DNAH12: variants seen among roughly 807,000 people sequenced by gnomAD.
DNAH12 encodes the protein axonemal beta dynein heavy chain 12.
In DNAH12, 285 loss-of-function variants were observed where a neutral mutation model predicts 371.5. The ratio of observed to expected loss-of-function variants is 0.77; its 90% confidence interval spans 0.70 to 0.85. The LOEUF (loss-of-function observed/expected upper bound fraction) is 0.85, where lower values mean the gene tolerates loss of function less well. DNAH12 is among the 40% of genes least tolerant of loss of function. The pLI, the probability that DNAH12 is intolerant of heterozygous loss-of-function variation, is 0.00. For synonymous variants in DNAH12, 1,200 were observed against 1,213.0 expected, an observed-to-expected ratio of 0.99 and a Z score of 0.22; for missense variants, 3,611 against 3,689.4, an observed-to-expected ratio of 0.98 and a Z score of 0.55.
intron 38 of DNAH12, 144 bp downstream of exon 38, chr3:57,415,282 T>C: frequency 9.0e-7 from 1 of 1,107,062 alleles, no homozygotes; most frequent in Non-Finnish European, 1.3e-6. Flanking sequence ...TATCATTAAT[T>C]CCAAAAACTT....
Position 57,405,925 on chromosome 3 carries a change from A to T in DNAH12, c.6304T>A (p.Leu2102Ile). Residue 2102 changes from leucine to isoleucine, a missense_variant, in exon 41 of 74, where the codon TTA (leucine) becomes ATA (isoleucine). This residue lies in a region of DNAH12 where 2,266 missense variants were observed against 2,236.9 expected (regional missense o/e 1.01). Transcript: ENST00000495027. ...EIYKQSVENLLPTPTKSHYTF... is the reference protein window; with the variant it reads ...EIYKQSVENLIPTPTKSHYTF... The stretch of plus-strand genomic sequence containing the variant: ...TAATGGGATTTTGTGGGAGTGGGTA[A>T]AAGATTTTCCACAGATTGTTTATAT... 6.5e-7 allele frequency: 1 copy of T among 1,546,400 alleles called. No individual in the cohort carries two copies. Among genetic ancestry groups the T allele is most frequent in the South Asian group, 1.2e-5 (1 of 84,008 alleles).
At chr3:57,529,052 AG>A (rs1416878291) in intron 2 of DNAH12, among the ~76,000 whole-genome samples, 1 of 152,056 alleles carries the variant, frequency 6.6e-6, no homozygotes, top group Non-Finnish European at 1.5e-5. Context: ...CACCTGCCTC[AG>A]CCTCCCACAG....
chr3:57,528,802 A>G (rs1226713600), intron 2 of DNAH12, among the ~76,000 whole-genome samples: 1 of 149,488 alleles, frequency 6.7e-6, no homozygotes, highest in Non-Finnish European at 1.5e-5. Flanking sequence ...GGGATTTTCA[A>G]TTTCTTTTTT....
chr3:57,328,604 A>G (rs2062008242), intron 62 of DNAH12, among the ~76,000 whole-genome samples: 1 of 151,538 alleles, frequency 6.6e-6, no homozygotes, highest in Admixed American at 6.6e-5. Context: ...AGCCAATATC[A>G]TACTGAATGG....
intron 10 of DNAH12, among the ~76,000 whole-genome samples, chr3:57,501,834 T>C (rs2067557969): frequency 6.6e-6 from 1 of 152,202 alleles, no homozygotes; most frequent in Non-Finnish European, 1.5e-5. Context: ...TTCTTCTCTC[T>C]GCCTTTGACT....
chr3:57,296,696 T>C, intron 71 of DNAH12, 151 bp downstream of exon 71: 1 of 962,846 alleles, frequency 1.0e-6, no homozygotes, highest in Non-Finnish European at 1.5e-6. Flanking sequence ...AATATTGCAA[T>C]ATATAAAAGT....
intron 51 of DNAH12, among the ~76,000 whole-genome samples, 155 bp from the exon 52 acceptor site, chr3:57,379,453 T>TA (rs1166120121): frequency 6.6e-6 from 1 of 152,154 alleles, no homozygotes; most frequent in Non-Finnish European, 1.5e-5. Context: ...AAAATAAGCA[T>TA]AATTGTAGCA....
At chr3:57,346,018 T>C (rs1406471916) in intron 60 of DNAH12, among the ~76,000 whole-genome samples, 1 of 152,132 alleles carries the variant, frequency 6.6e-6, no homozygotes, top group Admixed American at 6.6e-5. Context: ...GTCAATTGTA[T>C]ATATTTTCAA....
intron 37 of DNAH12, 96 bp from the exon 38 acceptor site, chr3:57,415,660 CAAATCATCTTCATT>C: frequency 8.2e-7 from 1 of 1,214,220 alleles, no homozygotes; most frequent in Non-Finnish European, 1.1e-6. Context: ...ACATAAGAAT[CAAATCATCTTCATT>C]AAAAACTCAT....
At chr3:57,549,030 A>G (rs947951136), upstream of DNAH12, 22 of 152,100 alleles carry the variant, frequency 1.4e-4, no homozygotes, top group Admixed American at 9.8e-4. Context: ...AAGATCTAAC[A>G]AAGAGAGCAG....
At chr3:57,514,341 C>A (rs1460265754) in intron 4 of DNAH12, among the ~76,000 whole-genome samples, 5 of 151,214 alleles carry the variant, frequency 3.3e-5, no homozygotes, top group Non-Finnish European at 7.4e-5. Context: ...TTGCAGTGAG[C>A]CGAGATTGTG....
rs925901553 is a variant in DNAH12, at chr3:57,495,296, CGCCTGTAATCCTA to C, written c.1336-5622_1336-5610del. Among the ~76,000 whole-genome samples, 57 of 152,046 alleles carry C rather than the reference CGCCTGTAATCCTA, an allele frequency of 3.7e-4. 1 individual carries two copies. Among genetic ancestry groups the C allele is most frequent in the African/African-American group, 1.2e-3 (49 of 41,406 alleles). On this transcript the variant is annotated intron_variant, in intron 11 of 73. Transcript: ENST00000495027. The stretch of plus-strand genomic sequence containing the variant: ...ATCAGGGGCCAGGCACGGTGGCTCA[CGCCTGTAATCCTA>C]GCATTTTGGGAGGCCGAGGTGGGCA...
At position 57,370,292 on chromosome 3, in the gene DNAH12, G is replaced by C. The variant is rs926339340; in HGVS notation, c.8760-2032C>G. Among the ~76,000 whole-genome samples, 320 of 152,276 alleles carry C rather than the reference G, an allele frequency of 2.1e-3. 2 individuals are homozygous for C. Among genetic ancestry groups the C allele is most frequent in the Non-Finnish European group, 3.4e-3 (229 of 68,016 alleles). On this transcript the variant is annotated intron_variant, in intron 55 of 73. Coordinates refer to ENST00000495027, the MANE Select transcript of DNAH12 (RefSeq NM_001366028.2). The stretch of plus-strand genomic sequence containing the variant: ...TAGCAAAATCAGAGCTTAAGATATA[G>C]ACTAAAATGAGATATTCAAAGATAA...
At chr3:57,297,319 A>C in intron 70 of DNAH12, 1 of 260,302 alleles carries the variant, frequency 3.8e-6, no homozygotes, top group Non-Finnish European at 7.4e-6. Flanking sequence ...CACATTGTCT[A>C]ATTATAGACC....
chr3:57,449,597 T>C (rs2065678766), intron 25 of DNAH12, among the ~76,000 whole-genome samples: 1 of 152,172 alleles, frequency 6.6e-6, no homozygotes, highest in African/African-American at 2.4e-5. Context: ...AGGTGCTAAG[T>C]CCCTCATTGC....
chr3:57,382,516 T>TG (rs1287761012), intron 49 of DNAH12, 123 bp from the exon 50 acceptor site: 3 of 139,012 alleles, frequency 2.2e-5, no homozygotes, highest in African/African-American at 5.5e-5. Context: ...AAATCAAAGT[T>TG]TTTTTTTTTT....
At chr3:57,392,697 T>C (rs1345801686) in intron 44 of DNAH12, among the ~76,000 whole-genome samples, 5 of 152,110 alleles carry the variant, frequency 3.3e-5, no homozygotes, top group African/African-American at 4.8e-5. Flanking sequence ...CGACAGTATA[T>C]AGAATATGAT....
chr3:57,490,763 A>G (rs2067088761), intron 11 of DNAH12, among the ~76,000 whole-genome samples: 1 of 152,010 alleles, frequency 6.6e-6, no homozygotes, highest in South Asian at 2.1e-4. Flanking sequence ...TTCAAAGACT[A>G]TCTTAAGCAC....
intron 69 of DNAH12, among the ~76,000 whole-genome samples, chr3:57,308,182 C>A (rs2061511791): frequency 1.3e-5 from 2 of 152,116 alleles, no homozygotes; most frequent in Admixed American, 6.5e-5. Context: ...TAGGTAGAGG[C>A]CTTTCCCACA....
Sources: gnomAD v4.1 joint callset for allele counts (sites outside exome capture counted in the v4.1 genomes callset) on GRCh38, gnomAD v4.1.1 for gene constraint, gnomAD v4.1.1 regional missense constraint, MANE v1.5 for transcripts, NCBI Gene and HGNC (gene_info 2026-07-23, HGNC 2026-07-21) for gene names.